The following TMEM255A variants were observed in gnomAD, a reference collection of about 807,000 sequenced individuals.
TMEM255A encodes the protein transmembrane protein 255A.
Under a neutral mutation model 23.5 loss-of-function variants are expected in TMEM255A, and 14 were observed. That is an observed-to-expected ratio of 0.60 (90% CI 0.39 to 0.93). The LOEUF (loss-of-function observed/expected upper bound fraction) is 0.93, where lower values mean the gene tolerates loss of function less well. Ranked by LOEUF, TMEM255A falls within the 40% of genes least tolerant of loss-of-function variation. The pLI is 0.00. For synonymous variants in TMEM255A, 104 were observed against 100.3 expected (o/e 1.04, Z -0.22); for missense variants, 233 against 261.7 (o/e 0.89, Z 0.76).
At chrX:120,253,487 G>A in the TMEM255A span, 1 of 1,211,831 alleles carries the variant, frequency 8.3e-7, no homozygotes, top group Non-Finnish European at 1.1e-6. Context: ...CCTTGAATGA[G>A]CAACGTGGCC....
rs1266552108 is a variant in TMEM255A, at chrX:120,259,170, G to GTAT, written c.*1697_*1699dup. On this transcript the variant is annotated 3_prime_UTR_variant, in exon 9 of 9. Coordinates refer to ENST00000371369, the MANE Select transcript of TMEM255A (RefSeq NM_001104544.3). ...TGTAAATGGCAAAAAAATTCATTGA[G>GTAT]TATTACAAGTTGATATTTGTTTAGT... 8.9e-6 allele frequency: 1 copy of GTAT among 112,364 alleles called. No homozygotes were observed. The highest frequency in any genetic ancestry group is 3.3e-5 in the African/African-American group (1 of 30,753). The allele number at this position is 112,364 out of a possible 1,213,427, so 9.3% of individuals were successfully genotyped here.
intron 2 of TMEM255A, among the ~76,000 whole-genome samples, chrX:120,302,509 C>G (rs1439678512): frequency 9.5e-6 from 1 of 104,828 alleles, no homozygotes; most frequent in Non-Finnish European, 2.0e-5. Context: ...CCCCCGACCC[C>G]CCACCGGCTT....
chrX:120,292,945 C>T (rs1422306699), intron 3 of TMEM255A, among the ~76,000 whole-genome samples: 3 of 112,000 alleles, frequency 2.7e-5, no homozygotes, highest in Non-Finnish European at 5.6e-5. Flanking sequence ...ATGCTATGAT[C>T]AGCTCTACAA....
chrX:120,267,327 AC>A (rs2147181401), intron 8 of TMEM255A, among the ~76,000 whole-genome samples: 1 of 111,998 alleles, frequency 8.9e-6, no homozygotes, highest in South Asian at 3.7e-4. Flanking sequence ...AGTTGGAAGT[AC>A]CCCCAGATAG....
chrX:120,263,679 T>C lies in TMEM255A; in HGVS notation c.820-2651A>G, dbSNP rs141426735. Among the ~76,000 whole-genome samples, 132 of 110,295 alleles carry C rather than the reference T, an allele frequency of 1.2e-3. 1 individual carries two copies. The East Asian group carries it at 0.025, about 21-fold the overall frequency. On this transcript the variant is annotated intron_variant, in intron 8 of 8. Transcript: ENST00000371369. ...GTCGGTATTGTGCATTCCCTCTCTG[T>C]TCTGCCCCTGGAAGCAAAGGCTAGG...
chrX:120,282,121 T>A (rs963875067), intron 6 of TMEM255A, among the ~76,000 whole-genome samples: 2 of 111,234 alleles, frequency 1.8e-5, no homozygotes, highest in African/African-American at 6.6e-5. Context: ...AAAATTAAAG[T>A]CTCCAAGCCT....
Position 120,260,914 on chromosome X carries a change from G to A in TMEM255A, c.934C>T (p.Pro312Ser). The A allele has an allele frequency of 1.7e-6, 2 of 1,203,273 alleles. No homozygotes were observed. Among genetic ancestry groups the A allele is most frequent in the Non-Finnish European group, 2.2e-6 (2 of 892,644 alleles). The change falls in exon 9 of 9, where the codon CCC becomes TCC. Residue 312 changes from proline (P) to serine (S), a missense_variant. By Grantham distance (74) the Pro-to-Ser change is moderately conservative (BLOSUM62 -1). Transcript: ENST00000371369. Reference protein sequence around the residue: ...SSSAPPRYSPPYYPPFEKPPP... With the variant: ...SSSAPPRYSPSYYPPFEKPPP... ...GGCTTTTCAAAAGGTGGATAGTAGG[G>A]TGGAGAGTAACGGGGCGGTGCACTT...
chrX:120,257,171 AAACT>A (rs2057643963), downstream of TMEM255A: 1 of 122,888 alleles, frequency 8.1e-6, no homozygotes, highest in Non-Finnish European at 1.9e-5. Flanking sequence ...AACCATTTGT[AAACT>A]AACCCCTGGG....
downstream of TMEM255A, chrX:120,254,128 C>T: frequency 8.3e-7 from 1 of 1,211,319 alleles, no homozygotes; most frequent in Non-Finnish European, 1.1e-6. Flanking sequence ...AATAACTCGC[C>T]CCCTTTAACA....
intron 6 of TMEM255A, among the ~76,000 whole-genome samples, chrX:120,284,041 C>G (rs2057855543): frequency 9.0e-6 from 1 of 111,678 alleles, no homozygotes; most frequent in Non-Finnish European, 1.9e-5. Flanking sequence ...TCTCCTGATT[C>G]CCTACTTATT....
intron 6 of TMEM255A, among the ~76,000 whole-genome samples, chrX:120,280,897 AT>A (rs35670265): frequency 0.094 from 10,460 of 111,147 alleles, 365 homozygotes; most frequent in East Asian, 0.12. Flanking sequence ...GCCTATCCTA[AT>A]CTCTCTCACT....
downstream of TMEM255A, chrX:120,255,002 G>C: frequency 8.3e-7 from 1 of 1,211,944 alleles, no homozygotes; most frequent in Non-Finnish European, 1.1e-6. Context: ...ACTGTGAGAA[G>C]GTATTTCCTC....
chrX:120,280,706 C>T (rs782367624), intron 6 of TMEM255A, among the ~76,000 whole-genome samples: 1 of 111,251 alleles, frequency 9.0e-6, no homozygotes, highest in Non-Finnish European at 1.9e-5. Context: ...TCTGTGGCTC[C>T]CCAGTACCTT....
intron 3 of TMEM255A, 86 bp from the exon 4 acceptor site, chrX:120,291,426 G>T: frequency 2.6e-6 from 2 of 783,656 alleles, no homozygotes; most frequent in Non-Finnish European, 1.9e-6. Flanking sequence ...GAGACTTCCA[G>T]CCAAAGCAGA....
Position 120,285,166 on chromosome X carries a change from C to T in TMEM255A, c.473G>A (p.Gly158Asp). 2 of 1,211,405 alleles carry T rather than the reference C, an allele frequency of 1.7e-6. No homozygotes were observed. Among genetic ancestry groups the T allele is most frequent in the Admixed American group, 2.2e-5 (1 of 46,015 alleles). Residue 158 changes from glycine (G) to aspartate (D), a missense_variant, in exon 6 of 9, where the codon GGC becomes GAC. Gly to Asp is a moderately conservative substitution (Grantham distance 94, BLOSUM62 -1). Coordinates refer to ENST00000371369, the MANE Select transcript of TMEM255A (RefSeq NM_001104544.3). Reference sequence around the variant, plus strand: ...GAGGTCACAGCAGAAGCAGGTGTTGCCCCGGATGCGAGGTGTGCAGAATTC... The same window carrying T: ...GAGGTCACAGCAGAAGCAGGTGTTGTCCCGGATGCGAGGTGTGCAGAATTC... ...SREFCTPRIRGNTCFCCDLYN... is the reference protein window; with the variant it reads ...SREFCTPRIRDNTCFCCDLYN...
At position 120,260,121 on chromosome X, in the gene TMEM255A, A is replaced by T; in HGVS notation, c.*749T>A. ...TGTATTTTGTAATAATGCAACATGT[A>T]GTAGAACCACTGTCTCCTAAGTGAT... On this transcript the variant is annotated 3_prime_UTR_variant, in exon 9 of 9. Coordinates refer to ENST00000371369, the MANE Select transcript of TMEM255A (RefSeq NM_001104544.3). 1.4e-6 allele frequency: 1 copy of T among 739,294 alleles called. No homozygotes were observed. Among genetic ancestry groups the T allele is most frequent in the Non-Finnish European group, 1.6e-6 (1 of 625,195 alleles). 60.9% of individuals were successfully genotyped at this position (739,294 alleles called of 1,213,427 possible).
chrX:120,254,575 A>G (rs782682597), downstream of TMEM255A: 1 of 1,211,423 alleles, frequency 8.3e-7, no homozygotes, highest in Non-Finnish European at 1.1e-6. Context: ...CCACTTTCCA[A>G]TTCCTTAAAA....
chrX:120,296,383 T>C (rs914960618), intron 2 of TMEM255A, among the ~76,000 whole-genome samples: 1 of 84,870 alleles, frequency 1.2e-5, no homozygotes, highest in Non-Finnish European at 2.3e-5. Context: ...CCTTCTCCTC[T>C]ATTCTATTCT....
chrX:120,294,038 G>A lies in TMEM255A; in HGVS notation c.215C>T (p.Ser72Leu). 1 of 1,190,043 alleles carries A rather than the reference G, an allele frequency of 8.4e-7. No homozygotes were observed. Among genetic ancestry groups the A allele is most frequent in the Non-Finnish European group, 1.1e-6 (1 of 880,346 alleles). Residue 72 changes from serine to leucine, a missense_variant, in exon 3 of 9, where the codon TCG (serine) becomes TTG (leucine). Ser to Leu is a moderately radical substitution (Grantham distance 145). Transcript: ENST00000371369. The stretch of plus-strand genomic sequence containing the variant: ...GTTTGATCCAATGATTCCAAGGAAC[G>A]ATCCAAAGCCGAGCTGCAAAGCAAT... ...YYPGVILGFGSFLGIIGSNLI... is the reference protein window; with the variant it reads ...YYPGVILGFGLFLGIIGSNLI...
Sources: gnomAD v4.1 joint callset for allele counts (sites outside exome capture counted in the v4.1 genomes callset) on GRCh38, gnomAD v4.1.1 for gene constraint, MANE v1.5 for transcripts, NCBI Gene and HGNC (gene_info 2026-07-23, HGNC 2026-07-21) for gene names.